UNC5D: variants seen among roughly 807,000 people sequenced by gnomAD.
UNC5D encodes unc-5 netrin receptor D, also known as netrin receptor UNC5D.
UNC5D carries 39 observed loss-of-function variants against 105.4 expected under a neutral mutation model. The ratio of observed to expected loss-of-function variants is 0.37; its 90% CI spans 0.29 to 0.48. The LOEUF (loss-of-function observed/expected upper bound fraction) is 0.48, where lower values mean the gene tolerates loss of function less well. Ranked by LOEUF, UNC5D falls within the 20% of genes least tolerant of loss-of-function variation. UNC5D has a pLI of 0.98. For missense variants in UNC5D, 991 were observed against 1,202.4 expected (o/e 0.82, Z 2.60); for synonymous variants, 452 against 450.4 (o/e 1.00, Z -0.04).
At chr8:35,785,399 G>A (rs1303104823) in intron 16 of UNC5D, among the ~76,000 whole-genome samples, 4 of 151,960 alleles carry the variant, frequency 2.6e-5, no homozygotes, top group South Asian at 2.1e-4. Flanking sequence ...TTGCTCTGTC[G>A]CCCAGGTTGG....
At chr8:35,600,976 A>G (rs1052059838) in intron 4 of UNC5D, among the ~76,000 whole-genome samples, 4 of 151,990 alleles carry the variant, frequency 2.6e-5, no homozygotes, top group Admixed American at 6.6e-5. Flanking sequence ...TAATTTTTGT[A>G]TAAGGTGTAA....
chr8:35,395,738 A>G (rs371196013), intron 1 of UNC5D, among the ~76,000 whole-genome samples: 5 of 152,226 alleles, frequency 3.3e-5, no homozygotes, highest in Non-Finnish European at 7.3e-5. Flanking sequence ...AGCACCTTTC[A>G]TTCAGCACAA....
chr8:35,367,897 C>A (rs1802214840), intron 1 of UNC5D, among the ~76,000 whole-genome samples: 1 of 152,140 alleles, frequency 6.6e-6, no homozygotes, highest in African/African-American at 2.4e-5. Flanking sequence ...CCCTTTGCTC[C>A]TTGCTATCTC....
intron 16 of UNC5D, among the ~76,000 whole-genome samples, chr8:35,774,926 C>CA (rs548702956): frequency 0.043 from 5,204 of 120,318 alleles, 111 homozygotes; most frequent in Non-Finnish European, 0.049. Context: ...GACCCTCCTC[C>CA]AAAAAAAAAA....
chr8:35,579,599 GTGTT>G (rs1818336570), intron 3 of UNC5D, among the ~76,000 whole-genome samples: 1 of 152,280 alleles, frequency 6.6e-6, no homozygotes, highest in South Asian at 2.1e-4. Context: ...GTAAAGGAAA[GTGTT>G]TGAGTCCATC....
rs947011640 is a variant in UNC5D at position 35,603,256 on chromosome 8, C to T, written c.570+7599C>T. Among the ~76,000 whole-genome samples the T allele has an allele frequency of 1.8e-4, 27 of 151,096 alleles. 1 individual carries two copies. Among genetic ancestry groups the T allele is most frequent in the African/African-American group, 6.0e-4 (25 of 41,344 alleles). On this transcript the variant is annotated intron_variant, in intron 4 of 16. Coordinates refer to ENST00000404895, the MANE Select transcript of UNC5D (RefSeq NM_080872.4). ...TTCTGGTATGTTATGTCTTTGTTCT[C>T]GGTTTCAAAGAACATCTTTATTTCT...
At chr8:35,430,339 G>A (rs1036971378) in intron 1 of UNC5D, among the ~76,000 whole-genome samples, 1 of 152,042 alleles carries the variant, frequency 6.6e-6, no homozygotes, top group Non-Finnish European at 1.5e-5. Context: ...GAGAGGGCAT[G>A]GAAACTCCAC....
chr8:35,447,649 C>T (rs1177922123), intron 1 of UNC5D, among the ~76,000 whole-genome samples: 1 of 152,024 alleles, frequency 6.6e-6, no homozygotes, highest in East Asian at 1.9e-4. Flanking sequence ...AATTGTGTCC[C>T]CGCATATCCC....
At chr8:35,322,333 C>T (rs986359968) in intron 1 of UNC5D, among the ~76,000 whole-genome samples, 3 of 151,336 alleles carry the variant, frequency 2.0e-5, no homozygotes, top group African/African-American at 7.3e-5. Context: ...TTTTTTTCTC[C>T]CCCCTTTTTT....
chr8:35,501,023 CA>C (rs1308908679), intron 1 of UNC5D, among the ~76,000 whole-genome samples: 1 of 152,126 alleles, frequency 6.6e-6, no homozygotes, highest in Non-Finnish European at 1.5e-5. Context: ...TCTGTGAGGT[CA>C]GGGGACATGT....
intron 15 of UNC5D, among the ~76,000 whole-genome samples, chr8:35,773,334 A>G (rs1586623491): frequency 6.6e-6 from 1 of 152,188 alleles, no homozygotes; most frequent in East Asian, 1.9e-4. Flanking sequence ...CTTCCTGATT[A>G]TACCACTATA....
intron 1 of UNC5D, among the ~76,000 whole-genome samples, chr8:35,400,442 TAAC>T (rs1008355666): frequency 5.3e-5 from 8 of 152,142 alleles, no homozygotes; most frequent in African/African-American, 1.4e-4. Flanking sequence ...CGGATTACGC[TAAC>T]AACAATTGAA....
intron 7 of UNC5D, among the ~76,000 whole-genome samples, chr8:35,705,451 G>A (rs1399029197): frequency 6.6e-6 from 1 of 152,206 alleles, no homozygotes; most frequent in Non-Finnish European, 1.5e-5. Context: ...TACCTGACAA[G>A]AATGGATAAA....
chr8:35,579,000 G>A (rs990932643), intron 3 of UNC5D, among the ~76,000 whole-genome samples: 1 of 152,126 alleles, frequency 6.6e-6, no homozygotes, highest in Non-Finnish European at 1.5e-5. Flanking sequence ...CATTCTTATG[G>A]TGAAATTCAC....
intron 1 of UNC5D, among the ~76,000 whole-genome samples, chr8:35,327,019 C>A (rs1810218807): frequency 6.6e-6 from 1 of 151,944 alleles, no homozygotes; most frequent in Non-Finnish European, 1.5e-5. Flanking sequence ...ACTGGATTGA[C>A]CTGTTGGAGG....
intron 1 of UNC5D, among the ~76,000 whole-genome samples, chr8:35,485,167 G>A (rs910908496): frequency 4.6e-5 from 7 of 152,128 alleles, no homozygotes; most frequent in Non-Finnish European, 8.8e-5. Flanking sequence ...AAGAAAGCAG[G>A]ACAGGCAAGA....
intron 4 of UNC5D, among the ~76,000 whole-genome samples, chr8:35,640,132 G>T (rs576603185): frequency 9.7e-4 from 147 of 151,758 alleles, no homozygotes; most frequent in African/African-American, 3.5e-3. Context: ...TTTTTTTAAT[G>T]AAAGCAAAAA....
chr8:35,254,267 G>T (rs1410046374), intron 1 of UNC5D: 2 of 152,120 alleles, frequency 1.3e-5, no homozygotes, highest in African/African-American at 4.8e-5. Flanking sequence ...TGGAATTGAA[G>T]GTCTTAGAAA....
chr8:35,640,128 T>C (rs1034971804), intron 4 of UNC5D, among the ~76,000 whole-genome samples: 4 of 152,130 alleles, frequency 2.6e-5, no homozygotes, highest in African/African-American at 9.7e-5. Flanking sequence ...AATTTTTTTT[T>C]AATGAAAGCA....
Sources: allele counts gnomAD v4.1 joint callset (sites outside exome capture counted in the v4.1 genomes callset), GRCh38; gene constraint gnomAD v4.1.1; transcripts MANE v1.5; gene names NCBI Gene and HGNC (gene_info 2026-07-23, HGNC 2026-07-21).